SGCD: variants seen among roughly 807,000 people sequenced by gnomAD.
SGCD encodes sarcoglycan delta, also known as delta-sarcoglycan.
A neutral mutation model predicts 36.6 loss-of-function variants in SGCD; 18 were observed. The ratio of observed to expected loss-of-function variants is 0.49; its 90% CI spans 0.34 to 0.73. SGCD has a LOEUF of 0.73. Among genes scored for constraint, SGCD ranks in the 30% least tolerant of loss-of-function variants. The pLI is 0.01. For synonymous variants in SGCD, 133 were observed against 130.6 expected, an observed-to-expected ratio of 1.02 and a Z score of -0.12; for missense variants, 387 against 346.7, an observed-to-expected ratio of 1.12 and a Z score of -0.92.
intron 3 of SGCD, among the ~76,000 whole-genome samples, chr5:156,319,238 A>T (rs79258353): frequency 6.6e-6 from 1 of 152,302 alleles, no homozygotes; most frequent in African/African-American, 2.4e-5. Flanking sequence ...GTTGAAGTTG[A>T]TCAAACTGGA....
At chr5:155,920,109 C>G (rs1199421162) in intron 1 of SGCD, among the ~76,000 whole-genome samples, 2 of 152,120 alleles carry the variant, frequency 1.3e-5, no homozygotes, top group African/African-American at 4.8e-5. Flanking sequence ...CCTCAGACAC[C>G]CCATTTAGCC....
the SGCD span, among the ~76,000 whole-genome samples, chr5:155,794,211 A>T: frequency 6.6e-6 from 1 of 152,142 alleles, no homozygotes; most frequent in Non-Finnish European, 1.5e-5. Flanking sequence ...ACCTCGAATT[A>T]TTTTTGCCTA....
At chr5:156,350,318 A>G (rs911668898) in intron 3 of SGCD, among the ~76,000 whole-genome samples, 4 of 144,394 alleles carry the variant, frequency 2.8e-5, no homozygotes, top group African/African-American at 7.5e-5. Context: ...ATTATTTTGT[A>G]TGTTTGGTTT....
intron 3 of SGCD, among the ~76,000 whole-genome samples, chr5:156,321,414 C>T (rs767215834): frequency 5.4e-5 from 8 of 147,624 alleles, no homozygotes; most frequent in East Asian, 3.9e-4. Context: ...AGCGAGACTC[C>T]GACTGAAAAT....
chr5:156,444,115 TC>T (rs1474832394), intron 3 of SGCD, among the ~76,000 whole-genome samples: 1 of 72,798 alleles, frequency 1.4e-5, no homozygotes, highest in African/African-American at 6.2e-5. Context: ...TCTCTCTCTC[TC>T]CCCTTCCCTC....
the SGCD span, among the ~76,000 whole-genome samples, chr5:155,811,811 G>GT: frequency 2.6e-5 from 4 of 152,136 alleles, no homozygotes; most frequent in Non-Finnish European, 4.4e-5. Flanking sequence ...GAGGGCAGGG[G>GT]TAGGTTAGTG....
chr5:155,998,312 T>C (rs2127567085), intron 1 of SGCD, among the ~76,000 whole-genome samples: 2 of 152,314 alleles, frequency 1.3e-5, no homozygotes, highest in East Asian at 3.9e-4. Flanking sequence ...ATCTTGCACA[T>C]TATGTACCTG....
At chr5:156,398,071 C>T (rs141362651) in intron 3 of SGCD, among the ~76,000 whole-genome samples, 3 of 152,198 alleles carry the variant, frequency 2.0e-5, no homozygotes, top group Non-Finnish European at 2.9e-5. Flanking sequence ...TCCCCTGAGG[C>T]GCTGCCTGAA....
At chr5:156,410,220 G>T (rs1290566848) in intron 3 of SGCD, among the ~76,000 whole-genome samples, 1 of 152,172 alleles carries the variant, frequency 6.6e-6, no homozygotes, top group East Asian at 1.9e-4. Context: ...AAAAGAGAAT[G>T]AAATCACATC....
chr5:156,199,442 C>A (rs1481294685), intron 3 of SGCD, among the ~76,000 whole-genome samples: 2 of 152,140 alleles, frequency 1.3e-5, no homozygotes, highest in Non-Finnish European at 2.9e-5. Flanking sequence ...CCTACACATA[C>A]TTGCCTCTCA....
chr5:155,849,542 A>G, the SGCD span, among the ~76,000 whole-genome samples: 86 of 152,220 alleles, frequency 5.6e-4, no homozygotes, highest in African/African-American at 1.9e-3. Context: ...GGACTCTTTA[A>G]TGGTAGCTGA....
chr5:156,594,847 T>C (rs1285441059), intron 5 of SGCD, 85 bp from the exon 6 acceptor site: 2 of 880,678 alleles, frequency 2.3e-6, no homozygotes, highest in African/African-American at 3.4e-5. Context: ...AAGCTTTTTG[T>C]AGTCAAAGCG....
At chr5:156,358,411 G>A (rs11135163) in intron 3 of SGCD, among the ~76,000 whole-genome samples, 119,252 of 152,176 alleles carry the variant, frequency 0.78, 47,377 homozygotes, top group Middle Eastern at 0.92. Flanking sequence ...CCTAGTCTCA[G>A]TTAAGTGAAT....
intron 3 of SGCD, among the ~76,000 whole-genome samples, chr5:156,244,846 C>G (rs1041992945): frequency 1.3e-5 from 2 of 152,094 alleles, no homozygotes; most frequent in African/African-American, 4.8e-5. Context: ...GTCATAGATA[C>G]CCATGACCCA....
At chr5:156,702,887 A>G (rs1185194049) in intron 7 of SGCD, among the ~76,000 whole-genome samples, 2 of 152,192 alleles carry the variant, frequency 1.3e-5, no homozygotes, top group African/African-American at 2.4e-5. Flanking sequence ...AAGTGCAGCC[A>G]TGCTTATTGC....
At chr5:156,484,670 T>C (rs1047179381) in intron 3 of SGCD, among the ~76,000 whole-genome samples, 9 of 152,212 alleles carry the variant, frequency 5.9e-5, no homozygotes, top group African/African-American at 2.2e-4. Flanking sequence ...CATTCTCACA[T>C]ATATATTAGT....
intron 3 of SGCD, among the ~76,000 whole-genome samples, chr5:156,432,719 C>G (rs995625674): frequency 5.9e-5 from 9 of 152,106 alleles, no homozygotes; most frequent in African/African-American, 1.9e-4. Flanking sequence ...CACTGTTGTA[C>G]AGAAGAGTTC....
intron 3 of SGCD, among the ~76,000 whole-genome samples, chr5:156,487,784 T>A (rs1309813867): frequency 5.6e-5 from 1 of 17,854 alleles, no homozygotes; most frequent in Non-Finnish European, 1.1e-4. Flanking sequence ...TGAGACTCTG[T>A]CACCAAAAAA....
chr5:155,905,829 C>G (rs573005825), intron 1 of SGCD, among the ~76,000 whole-genome samples: 84 of 152,184 alleles, frequency 5.5e-4, no homozygotes, highest in Non-Finnish European at 1.0e-3. Flanking sequence ...TAAGAAGTAC[C>G]TTTCACCTCC....
Sources: allele counts gnomAD v4.1 joint callset (sites outside exome capture counted in the v4.1 genomes callset), GRCh38; gene constraint gnomAD v4.1.1; transcripts MANE v1.5; gene names NCBI Gene and HGNC (gene_info 2026-07-23, HGNC 2026-07-21).